The following SLC4A4 variants were observed in gnomAD, a reference collection of about 807,000 sequenced individuals.
The protein encoded by SLC4A4 is electrogenic sodium bicarbonate cotransporter 1.
A neutral mutation model predicts 111.5 loss-of-function variants in SLC4A4; 27 were observed. The observed-to-expected ratio is 0.24, with a 90% CI of 0.18 to 0.33. SLC4A4 has a LOEUF of 0.33. SLC4A4 is among the 10% of genes least tolerant of loss of function. The pLI is 1.00. For missense variants in SLC4A4, 909 were observed against 1,315.5 expected (o/e 0.69, Z 4.78); for synonymous variants, 443 against 463.4 (o/e 0.96, Z 0.57).
intron 9 of SLC4A4, 45 bp from the exon 10 acceptor site, chr4:71,450,344 A>G (rs552967120): frequency 7.9e-6 from 11 of 1,384,534 alleles, no homozygotes; most frequent in East Asian, 6.9e-5. Flanking sequence ...TGAAGCATGT[A>G]CAGAGTTATC....
chr4:71,311,318 T>C (rs984733087), intron 3 of SLC4A4, among the ~76,000 whole-genome samples: 5 of 152,104 alleles, frequency 3.3e-5, no homozygotes, highest in African/African-American at 1.2e-4. Flanking sequence ...ATTCACAACT[T>C]GAACTCAGCT....
upstream of SLC4A4, chr4:71,187,222 C>T (rs1358969224): frequency 3.9e-5 from 6 of 152,060 alleles, no homozygotes; most frequent in Non-Finnish European, 2.9e-5. Context: ...CGGGCTCGCG[C>T]CTCCAGGGAT....
chr4:71,197,393 G>A (rs1176482952), intron 1 of SLC4A4, among the ~76,000 whole-genome samples: 1 of 152,008 alleles, frequency 6.6e-6, no homozygotes, highest in Non-Finnish European at 1.5e-5. Flanking sequence ...ATAGTTTCTT[G>A]GAAAAATTAA....
At chr4:71,360,290 A>G (rs1730658419) in intron 6 of SLC4A4, among the ~76,000 whole-genome samples, 3 of 152,002 alleles carry the variant, frequency 2.0e-5, no homozygotes, top group Admixed American at 2.0e-4. Flanking sequence ...TTATGGTAGT[A>G]TTTACCCCAT....
intron 1 of SLC4A4, among the ~76,000 whole-genome samples, chr4:71,063,556 G>A (rs572757623): frequency 6.6e-6 from 1 of 151,822 alleles, no homozygotes; most frequent in Non-Finnish European, 1.5e-5. Context: ...TTTGTACCTG[G>A]TATTTTTAAT....
intron 2 of SLC4A4, among the ~76,000 whole-genome samples, chr4:71,119,501 C>G (rs1156680790): frequency 6.6e-6 from 1 of 152,162 alleles, no homozygotes; most frequent in African/African-American, 2.4e-5. Flanking sequence ...CCCACCTCAG[C>G]CTCCCAAGTT....
chr4:71,295,501 A>T (rs1481172813), intron 3 of SLC4A4, among the ~76,000 whole-genome samples: 1 of 152,214 alleles, frequency 6.6e-6, no homozygotes, highest in Non-Finnish European at 1.5e-5. Context: ...TAATTCTTCA[A>T]AATTGATTGG....
chr4:71,360,614 A>G (rs1428392498), intron 6 of SLC4A4, among the ~76,000 whole-genome samples: 1 of 152,178 alleles, frequency 6.6e-6, no homozygotes, highest in South Asian at 2.1e-4. Flanking sequence ...ATTAATCAAC[A>G]AATGTCACAA....
At chr4:71,262,124 G>T (rs954402812) in intron 3 of SLC4A4, among the ~76,000 whole-genome samples, 1 of 152,160 alleles carries the variant, frequency 6.6e-6, no homozygotes, top group Non-Finnish European at 1.5e-5. Flanking sequence ...TTGTGAGTTT[G>T]TGTGAGTGTG....
rs554519058 is a variant in SLC4A4, at chr4:71,192,579, G to T, written c.-2+5178G>T. ...AAGTAAGAACTAAAGCAAACACAGTGGTTGAGGACTATTTAGATTTGGACT... is the reference window on the plus strand; with the variant it reads ...AAGTAAGAACTAAAGCAAACACAGTTGTTGAGGACTATTTAGATTTGGACT... On this transcript the variant is annotated intron_variant, in intron 1 of 25. Coordinates refer to ENST00000264485, the MANE Select transcript of SLC4A4 (RefSeq NM_001098484.3). 3.3e-5 allele frequency among the ~76,000 whole-genome samples: 5 copies of T among 152,244 alleles called. 1 individual carries two copies. In the South Asian group the frequency reaches 1.0e-3, roughly 32 times the overall value.
chr4:71,197,850 ACT>A (rs148506775), intron 1 of SLC4A4, among the ~76,000 whole-genome samples: 6 of 152,202 alleles, frequency 3.9e-5, no homozygotes, highest in South Asian at 4.2e-4. Flanking sequence ...ACACCTACTA[ACT>A]CTCTATTTTG....
intron 2 of SLC4A4, among the ~76,000 whole-genome samples, chr4:71,241,375 G>A (rs892364379): frequency 6.6e-6 from 1 of 151,940 alleles, no homozygotes; most frequent in Non-Finnish European, 1.5e-5. Flanking sequence ...ATGAAATGGT[G>A]GCTTTTGTCT....
chr4:71,335,172 A>G (rs1728332416), intron 3 of SLC4A4, among the ~76,000 whole-genome samples: 1 of 152,192 alleles, frequency 6.6e-6, no homozygotes, highest in African/African-American at 2.4e-5. Context: ...GTGACACACA[A>G]TTTACCTATA....
At chr4:71,108,737 TTCTC>T (rs928265890) in intron 2 of SLC4A4, among the ~76,000 whole-genome samples, 3 of 151,786 alleles carry the variant, frequency 2.0e-5, no homozygotes, top group African/African-American at 7.2e-5. Context: ...TCCAACCCCT[TTCTC>T]TCTCTCTCTT....
Position 71,236,665 on chromosome 4 carries a change from C to A in SLC4A4, c.73+16C>A. 2 of 1,604,644 alleles carry A rather than the reference C, an allele frequency of 1.2e-6. No individual in the cohort carries two copies. The highest frequency in any genetic ancestry group is 2.2e-5 in the South Asian group (2 of 90,782). ...GAAGTAGAAGGTGAGCTTTATGGGT[C>A]TGGGAAAGTGTCTGTTGACATACAT... On this transcript the variant is annotated intron_variant, in intron 2 of 25. Transcript: ENST00000264485.
chr4:71,454,682 C>T (rs985135985), intron 12 of SLC4A4, among the ~76,000 whole-genome samples: 16 of 151,756 alleles, frequency 1.1e-4, no homozygotes, highest in African/African-American at 3.9e-4. Flanking sequence ...CTATGTTGAC[C>T]TAAGTAAAAA....
chr4:71,227,550 C>T (rs1031719464), intron 1 of SLC4A4, among the ~76,000 whole-genome samples: 1 of 152,162 alleles, frequency 6.6e-6, no homozygotes, highest in Non-Finnish European at 1.5e-5. Flanking sequence ...GCAGGGTGGG[C>T]TTTCAGCTGT....
intron 3 of SLC4A4, among the ~76,000 whole-genome samples, chr4:71,260,474 G>A (rs543428954): frequency 1.5e-4 from 23 of 152,248 alleles, no homozygotes; most frequent in African/African-American, 5.1e-4. Flanking sequence ...TGAAAATGAG[G>A]TAGACCTGTC....
chr4:71,187,558 C>T (rs1745530842), intron 1 of SLC4A4, among the ~76,000 whole-genome samples, 157 bp downstream of exon 1: 1 of 151,906 alleles, frequency 6.6e-6, no homozygotes, highest in Non-Finnish European at 1.5e-5. Flanking sequence ...GGCCGGGCAT[C>T]CCCTGAGCTG....
Sources: gnomAD v4.1 joint callset for allele counts (sites outside exome capture counted in the v4.1 genomes callset) on GRCh38, gnomAD v4.1.1 for gene constraint, MANE v1.5 for transcripts, NCBI Gene and HGNC (gene_info 2026-07-23, HGNC 2026-07-21) for gene names.